IGSF10: variants seen among roughly 807,000 people sequenced by gnomAD.
The protein encoded by IGSF10 is calvaria mechanical force protein 608.
In IGSF10, 126 loss-of-function variants were observed where a neutral mutation model predicts 128.2. The ratio of observed to expected loss-of-function variants is 0.98; its 90% CI spans 0.85 to 1.14. IGSF10 has a LOEUF of 1.14. Ranked by LOEUF, IGSF10 falls within the 50% of genes most tolerant of loss-of-function variation. The pLI, the probability that IGSF10 is intolerant of heterozygous loss-of-function variation, is 0.00. For missense variants in IGSF10, 3,295 were observed against 3,149.8 expected, an observed-to-expected ratio of 1.05 and a Z score of -1.10; for synonymous variants, 1,185 against 1,146.2, an observed-to-expected ratio of 1.03 and a Z score of -0.68.
the IGSF10 span, among the ~76,000 whole-genome samples, chr3:151,546,292 C>T: frequency 3.3e-5 from 5 of 152,124 alleles, no homozygotes; most frequent in African/African-American, 7.2e-5. Flanking sequence ...CAAGATACCA[C>T]CACCATCCCA....
chr3:151,553,244 T>C, the IGSF10 span, among the ~76,000 whole-genome samples: 46 of 152,296 alleles, frequency 3.0e-4, no homozygotes, highest in Middle Eastern at 0.017. Flanking sequence ...TTAAATATTT[T>C]GTGAAATTTA....
chr3:151,547,287 A>G, the IGSF10 span, among the ~76,000 whole-genome samples: 1 of 152,114 alleles, frequency 6.6e-6, no homozygotes, highest in Non-Finnish European at 1.5e-5. Context: ...TATGTTCATC[A>G]GTATGTAAAT....
the IGSF10 span, among the ~76,000 whole-genome samples, chr3:151,588,744 T>A: frequency 6.6e-6 from 1 of 152,142 alleles, no homozygotes; most frequent in Non-Finnish European, 1.5e-5. Flanking sequence ...GGGGCTTACA[T>A]CCTAGTGAGG....
At position 151,446,674 on chromosome 3, in the gene IGSF10, T is replaced by A. The variant is rs1411370110; in HGVS notation, c.3307A>T (p.Thr1103Ser). The change falls in exon 6 of 8, where the codon ACA becomes TCA. Residue 1103 changes from threonine (T) to serine (S), a missense_variant. Physicochemically the swap from Thr to Ser is moderately conservative, Grantham distance 58. Transcript: ENST00000282466. ...DIARVPSEES[T>S]TLVQNPLLLL... ...AATAGTGGATTCTGGACTAGAGTTG[T>A]AGACTCTTCTGATGGGACTCTAGCA... 6.2e-7 allele frequency: 1 copy of A among 1,613,782 alleles called. No individual in the cohort carries two copies. The highest frequency in any genetic ancestry group is 1.1e-5 in the South Asian group (1 of 91,086).
the IGSF10 span, among the ~76,000 whole-genome samples, chr3:151,509,884 C>A: frequency 1.3e-5 from 2 of 152,300 alleles, no homozygotes; most frequent in South Asian, 4.1e-4. Flanking sequence ...ATTGCTAGCA[C>A]AGCAGTCTGA....
At chr3:151,500,981 G>T in the IGSF10 span, among the ~76,000 whole-genome samples, 1 of 152,044 alleles carries the variant, frequency 6.6e-6, no homozygotes, top group East Asian at 1.9e-4. Context: ...ATGATATTAT[G>T]TATCTATAAT....
At chr3:151,593,831 CT>C in the IGSF10 span, among the ~76,000 whole-genome samples, 5 of 151,976 alleles carry the variant, frequency 3.3e-5, no homozygotes, top group Non-Finnish European at 5.9e-5. Context: ...CTAAGAAAAC[CT>C]TTTTTTAATA....
At chr3:151,502,954 C>G in the IGSF10 span, among the ~76,000 whole-genome samples, 1 of 152,050 alleles carries the variant, frequency 6.6e-6, no homozygotes, top group Non-Finnish European at 1.5e-5. Flanking sequence ...AAAGGGCCTT[C>G]TCTACTTGAA....
At chr3:151,585,867 C>A in the IGSF10 span, among the ~76,000 whole-genome samples, 1 of 151,986 alleles carries the variant, frequency 6.6e-6, no homozygotes, top group Admixed American at 6.6e-5. Context: ...ATTACCTGGA[C>A]AACAAATTAT....
Position 151,447,970 on chromosome 3 carries a change from C to A in IGSF10, c.2011G>T (p.Glu671Ter). 1 of 1,614,086 alleles carries A rather than the reference C, an allele frequency of 6.2e-7. No homozygotes were observed. The highest frequency in any genetic ancestry group is 8.5e-7 in the Non-Finnish European group (1 of 1,180,014). Residue 671 changes from glutamate (E) to a stop codon, truncating the protein, a stop_gained, in exon 6 of 8, where the codon GAG (glutamate) becomes TAG (stop). Coordinates refer to ENST00000282466, the MANE Select transcript of IGSF10 (RefSeq NM_178822.5). LOFTEE classifies it high-confidence loss of function. ...SVKMKGQRPL[E>*]HDGETEGSGL... is the part of the protein sequence containing the mutation. ...GATCCCTCTGTTTCTCCATCATGCT[C>A]CAAGGGCCTTTGTCCTTTCATCTTG...
chr3:151,571,093 T>C, the IGSF10 span, among the ~76,000 whole-genome samples: 8 of 152,192 alleles, frequency 5.3e-5, no homozygotes, highest in East Asian at 1.9e-4. Context: ...CATTGGTCCA[T>C]TGGTTTTGGT....
In IGSF10 at chr3:151,460,999, C is replaced by A. The variant is rs370789765; in HGVS notation, c.-142G>T. On this transcript the variant is annotated 5_prime_UTR_variant, in exon 1 of 8. Coordinates refer to ENST00000282466, the MANE Select transcript of IGSF10 (RefSeq NM_178822.5). ...AGCTGCCCGGGCTAGGTCCCGGGCTCGGTCCCGGGCTCAGCTGCTGGGGTC... is the reference window on the plus strand; with the variant it reads ...AGCTGCCCGGGCTAGGTCCCGGGCTAGGTCCCGGGCTCAGCTGCTGGGGTC... 20 of 981,552 alleles carry A rather than the reference C, an allele frequency of 2.0e-5. 1 individual carries two copies. Among genetic ancestry groups the A allele is most frequent in the African/African-American group, 1.6e-4 (9 of 57,276 alleles). 60.8% of individuals were successfully genotyped at this position (981,552 alleles called of 1,614,324 possible). A position where few individuals can be genotyped will look rare whatever the true frequency, so the allele number is the denominator to read the frequency against.
the IGSF10 span, among the ~76,000 whole-genome samples, chr3:151,538,315 A>G: frequency 6.6e-6 from 1 of 152,202 alleles, no homozygotes; most frequent in African/African-American, 2.4e-5. Flanking sequence ...TTCTTTAATT[A>G]TTAACTAAAA....
the IGSF10 span, among the ~76,000 whole-genome samples, chr3:151,572,497 T>C: frequency 8.5e-5 from 13 of 152,302 alleles, no homozygotes; most frequent in South Asian, 1.9e-3. Context: ...GATTTTCTAG[T>C]TTATTTGCGT....
Position 151,438,172 on chromosome 3 carries a change from A to G in IGSF10, c.6389T>C (p.Met2130Thr), listed in dbSNP as rs776946026. ...TGTTATAACTGTTAAGTGGACCTTC[A>G]TTTCATCTTTCCCTAGGGTGTTCTG... ...YAQNTLGKDE[M>T]KVHLTVITAA... The change falls in exon 8 of 8, where the codon ATG (methionine) becomes ACG (threonine). Residue 2130 changes from methionine to threonine, a missense_variant. Transcript: ENST00000282466. 6.2e-7 allele frequency: 1 copy of G among 1,614,078 alleles called. No individual in the cohort carries two copies. Among genetic ancestry groups the G allele is most frequent in the South Asian group, 1.1e-5 (1 of 91,080 alleles).
the IGSF10 span, among the ~76,000 whole-genome samples, chr3:151,550,363 TTTAA>T: frequency 2.0e-5 from 3 of 152,210 alleles, no homozygotes; most frequent in Non-Finnish European, 4.4e-5. Flanking sequence ...TTTTATAATC[TTTAA>T]TTGAGAATTT....
At chr3:151,476,308 G>A in the IGSF10 span, 1 of 152,670 alleles carries the variant, frequency 6.6e-6, no homozygotes, top group South Asian at 2.1e-4. Context: ...TGAACCCTGA[G>A]AGTGTGCCAA....
At chr3:151,471,601 GCT>G in the IGSF10 span, among the ~76,000 whole-genome samples, 1 of 152,132 alleles carries the variant, frequency 6.6e-6, no homozygotes, top group Non-Finnish European at 1.5e-5. Flanking sequence ...TAGCAGATGC[GCT>G]TTTGGAATAC....
chr3:151,517,321 A>C, the IGSF10 span, among the ~76,000 whole-genome samples: 1 of 152,030 alleles, frequency 6.6e-6, no homozygotes, highest in South Asian at 2.1e-4. Flanking sequence ...GACTGCTTAA[A>C]GTGAGTAGAC....
Sources: gnomAD v4.1 joint callset for allele counts (sites outside exome capture counted in the v4.1 genomes callset) on GRCh38, gnomAD v4.1.1 for gene constraint, MANE v1.5 for transcripts, NCBI Gene and HGNC (gene_info 2026-07-23, HGNC 2026-07-21) for gene names.